The following RFC4 variants were observed in gnomAD, a reference collection of about 807,000 sequenced individuals.
The protein encoded by RFC4 is replication factor C subunit 4, also known as A1 37 kDa subunit.
RFC4 carries 38 observed loss-of-function variants against 47.6 expected under a neutral mutation model. The ratio of observed to expected loss-of-function variants is 0.80; its 90% confidence interval spans 0.62 to 1.05. RFC4 has a LOEUF of 1.05. Ranked by LOEUF, RFC4 falls within the 50% of genes least tolerant of loss-of-function variation. The probability of loss-of-function intolerance (pLI) is 0.00; values close to 1 mark genes in which losing one functional copy is unlikely to be tolerated. For missense variants in RFC4, 489 were observed against 434.0 expected, an observed-to-expected ratio of 1.13 and a Z score of -1.13; for synonymous variants, 164 against 150.0, an observed-to-expected ratio of 1.09 and a Z score of -0.68.
At chr3:186,794,273 G>T (rs1419231438) in intron 5 of RFC4, among the ~76,000 whole-genome samples, 1 of 152,148 alleles carries the variant, frequency 6.6e-6, no homozygotes, top group Non-Finnish European at 1.5e-5. Context: ...TGGTAGAAGG[G>T]ATCTCAGAGT....
intron 8 of RFC4, among the ~76,000 whole-genome samples, chr3:186,791,059 C>G (rs1722115742): frequency 6.7e-6 from 1 of 150,180 alleles, no homozygotes; most frequent in Non-Finnish European, 1.5e-5. Flanking sequence ...TGGGGTACTC[C>G]ATTCTCTTTA....
rs764648596 is a variant in RFC4 at position 186,790,320 on chromosome 3, C to CTT, written c.882+4_882+5dup. 20 of 1,613,446 alleles carry CTT rather than the reference C, an allele frequency of 1.2e-5. No individual in the cohort carries two copies. The highest frequency in any genetic ancestry group is 6.7e-5 in the Admixed American group (4 of 60,002). ...CCTTTCCCCAAAGTTAGTAAGCTGACTTTACCTTGACCACAGCTTCTAGTT... is the reference window on the plus strand; with the variant it reads ...CCTTTCCCCAAAGTTAGTAAGCTGACTTTTTACCTTGACCACAGCTTCTAGTT... On this transcript the variant is annotated splice_donor_region_variant and intron_variant, in intron 9 of 10. Coordinates refer to ENST00000296273, the MANE Select transcript of RFC4 (RefSeq NM_002916.5).
At chr3:186,794,187 A>G (rs1722197954) in intron 5 of RFC4, among the ~76,000 whole-genome samples, 1 of 152,244 alleles carries the variant, frequency 6.6e-6, no homozygotes, top group South Asian at 2.1e-4. Context: ...CTGCCATTAA[A>G]GTTTTTCTCC....
In RFC4 at chr3:186,793,749, G is replaced by A. The variant is rs925596604; in HGVS notation, c.411-802C>T. Among the ~76,000 whole-genome samples the A allele has an allele frequency of 5.3e-5, 8 of 150,418 alleles. No homozygotes were observed. Among genetic ancestry groups the A allele is most frequent in the Non-Finnish European group, 8.9e-5 (6 of 67,752 alleles). On this transcript the variant is annotated intron_variant, in intron 5 of 10. Transcript: ENST00000296273. This position sits in a 1 kb window ranked among gnomAD's most constrained non-coding sequence, Gnocchi z 4.2. ...GCCTTTTTTTTTTTTTTGAGATAGA[G>A]TCTTGCTCTGTCGCCCAGGCTGGAG...
intron 1 of RFC4, among the ~76,000 whole-genome samples, 195 bp downstream of exon 1, chr3:186,806,095 C>T (rs987758847): frequency 3.9e-5 from 6 of 152,234 alleles, no homozygotes; most frequent in Admixed American, 2.0e-4. Flanking sequence ...CTGCCTCGGG[C>T]TGTTAAACAT....
chr3:186,796,014 C>T lies in RFC4; in HGVS notation c.291-1237G>A, dbSNP rs1722236996. Among the ~76,000 whole-genome samples, 4 of 143,594 alleles carry T rather than the reference C, an allele frequency of 2.8e-5. No homozygotes were observed. The Admixed American group carries it at 3.0e-4, about 11-fold the overall frequency. 94.2% of individuals were successfully genotyped at this position (143,594 alleles called of 152,430 possible). A position where few individuals can be genotyped will look rare whatever the true frequency, so the allele number is the denominator to read the frequency against. Reference sequence around the variant, plus strand: ...GTCAAAGCACTGTTTTTGAAACTTCCCTCTAGTCTTTTACACACACACACA... The same window carrying T: ...GTCAAAGCACTGTTTTTGAAACTTCTCTCTAGTCTTTTACACACACACACA... On this transcript the variant is annotated intron_variant, in intron 4 of 10. Coordinates refer to ENST00000296273, the MANE Select transcript of RFC4 (RefSeq NM_002916.5). This position sits in a 1 kb window ranked among gnomAD's most constrained non-coding sequence, Gnocchi z 4.2.
At chr3:186,804,831 C>T (rs1482911314) in intron 1 of RFC4, 107 bp from the exon 2 acceptor site, 11 of 1,080,192 alleles carry the variant, frequency 1.0e-5, no homozygotes, top group Middle Eastern at 2.3e-4. Flanking sequence ...TGAGAAAGTA[C>T]AGCCCGAAAA....
Position 186,790,260 on chromosome 3 carries a change from A to G in RFC4, c.883-5T>C, listed in dbSNP as rs570405355. ...ATGACCCTCATCTATTAAATCCTAT[A>G]ATAAAAAAAACTTTTGGTATGATGA... On this transcript the variant is annotated splice_polypyrimidine_tract_variant and splice_region_variant and intron_variant, in intron 9 of 10. Coordinates refer to ENST00000296273, the MANE Select transcript of RFC4 (RefSeq NM_002916.5). 6.2e-7 allele frequency: 1 copy of G among 1,612,412 alleles called. No homozygotes were observed. The highest frequency in any genetic ancestry group is 1.3e-5 in the African/African-American group (1 of 74,894).
intron 3 of RFC4, among the ~76,000 whole-genome samples, chr3:186,799,859 G>A (rs1173306207): frequency 6.6e-6 from 1 of 152,114 alleles, no homozygotes; most frequent in Non-Finnish European, 1.5e-5. Context: ...CTGTTACCAA[G>A]ATATGCAAGC....
At chr3:186,790,454 G>T in intron 8 of RFC4, 48 bp from the exon 9 acceptor site, 1 of 1,339,474 alleles carries the variant, frequency 7.5e-7, no homozygotes, top group Non-Finnish European at 1.1e-6. Context: ...GGTGAGACTA[G>T]ACATACACTC....
In RFC4 at chr3:186,804,605, G is replaced by C; in HGVS notation, c.109C>G (p.Pro37Ala). The change falls in exon 2 of 11, where the codon CCC becomes GCC. Residue 37 changes from proline to alanine, a missense_variant. This residue lies in a region of RFC4 where 206 missense variants were observed against 257.8 expected (regional missense o/e 0.80). Coordinates refer to ENST00000296273, the MANE Select transcript of RFC4 (RefSeq NM_002916.5). Reference sequence around the variant, plus strand: ...TACTATTTTTCCACCCAGGGAACGGGTTTGGCTTTCTTGTTCTCTCCGCTA... The same window carrying C: ...TACTATTTTTCCACCCAGGGAACGGCTTTGGCTTTCTTGTTCTCTCCGCTA... ...GSSGENKKAK[P>A]VPWVEKYRPK... The C allele has an allele frequency of 6.2e-7, 1 of 1,614,006 alleles. No individual in the cohort carries two copies. The highest frequency in any genetic ancestry group is 8.5e-7 in the Non-Finnish European group (1 of 1,179,998).
intron 4 of RFC4, 77 bp from the exon 5 acceptor site, chr3:186,794,854 C>T: frequency 6.6e-7 from 1 of 1,524,122 alleles, no homozygotes; most frequent in Non-Finnish European, 9.0e-7. Flanking sequence ...GCACACTTTG[C>T]AGACGTTTAA....
chr3:186,795,882 TA>T (rs1722234808), intron 4 of RFC4, among the ~76,000 whole-genome samples: 1 of 152,186 alleles, frequency 6.6e-6, no homozygotes, highest in Non-Finnish European at 1.5e-5. Context: ...ATTAATGGAT[TA>T]AAACATGAGC....
In RFC4 at chr3:186,792,935, A is replaced by G; in HGVS notation, c.423T>C (p.Cys141=). Residue 141 remains cysteine (C), a synonymous_variant, in exon 6 of 11, where the codon TGT becomes TGC. Coordinates refer to ENST00000296273, the MANE Select transcript of RFC4 (RefSeq NM_002916.5). ...CCAGAATCACAATCTTAAAAGGCGG[A>G]CACGGCTTCCCACTGATTCAGAGAA... ...VSGSRSDGKP[C]PPFKIVILDE... The G allele has an allele frequency of 6.2e-7, 1 of 1,613,270 alleles. No homozygotes were observed. Among genetic ancestry groups the G allele is most frequent in the South Asian group, 1.1e-5 (1 of 90,870 alleles).
Position 186,790,329 on chromosome 3 carries a change from G to A in RFC4, c.879C>T (p.Val293=). Reference sequence around the variant, plus strand: ...AAAGTTAGTAAGCTGACTTTACCTTGACCACAGCTTCTAGTTTGTCAAAAG... The same window carrying A: ...AAAGTTAGTAAGCTGACTTTACCTTAACCACAGCTTCTAGTTTGTCAAAAG... ...SGSFDKLEAV[V]KDLIDEGHAA... is the part of the protein sequence containing the mutation. Residue 293 remains valine, a synonymous_variant, in exon 9 of 11, where the codon GTC becomes GTT. Coordinates refer to ENST00000296273, the MANE Select transcript of RFC4 (RefSeq NM_002916.5). 6.2e-7 allele frequency: 1 copy of A among 1,613,196 alleles called. No individual in the cohort carries two copies. Among genetic ancestry groups the A allele is most frequent in the Non-Finnish European group, 8.5e-7 (1 of 1,179,284 alleles).
At chr3:186,798,703 C>T (rs1355660146) in intron 3 of RFC4, among the ~76,000 whole-genome samples, 1 of 152,112 alleles carries the variant, frequency 6.6e-6, no homozygotes, top group African/African-American at 2.4e-5. Flanking sequence ...GTCTGATCCT[C>T]TTCTTTCTGC....
intron 1 of RFC4, among the ~76,000 whole-genome samples, chr3:186,805,282 G>A (rs3917096): frequency 1.4e-4 from 21 of 152,100 alleles, no homozygotes; most frequent in African/African-American, 4.1e-4. Context: ...GTGCAGTGGC[G>A]GAATCATGGT....
At chr3:186,799,472 T>C (rs1722307562) in intron 3 of RFC4, among the ~76,000 whole-genome samples, 1 of 152,210 alleles carries the variant, frequency 6.6e-6, no homozygotes. Context: ...CTGGGCATGA[T>C]GGCTCATGCC....
chr3:186,791,676 C>G, intron 8 of RFC4, 49 bp downstream of exon 8: 2 of 1,580,100 alleles, frequency 1.3e-6, no homozygotes, highest in Non-Finnish European at 1.7e-6. Flanking sequence ...TTCCTAAAAG[C>G]CACAAAAAAG....
Sources: gnomAD v4.1 joint callset for allele counts (sites outside exome capture counted in the v4.1 genomes callset) on GRCh38, gnomAD v4.1.1 for gene constraint, gnomAD v4.1.1 regional missense constraint, Gnocchi (gnomAD v3.1) non-coding constraint, MANE v1.5 for transcripts, NCBI Gene and HGNC (gene_info 2026-07-23, HGNC 2026-07-21) for gene names.